The following LPAR3 variants were observed in gnomAD, a reference collection of about 807,000 sequenced individuals.
LPAR3 encodes lysophosphatidic acid receptor 3.
A neutral mutation model predicts 17.8 loss-of-function variants in LPAR3; 7 were observed. The observed-to-expected ratio is 0.39, with a 90% CI of 0.22 to 0.74. LPAR3 has a LOEUF of 0.74. Among genes scored for constraint, LPAR3 ranks in the 30% least tolerant of loss-of-function variants. The pLI is 0.40. For synonymous variants in LPAR3, 179 were observed against 179.9 expected, an observed-to-expected ratio of 0.99 and a Z score of 0.04; for missense variants, 391 against 453.4, an observed-to-expected ratio of 0.86 and a Z score of 1.25.
At chr1:84,831,375 G>A (rs896414751) in intron 2 of LPAR3, among the ~76,000 whole-genome samples, 2 of 152,158 alleles carry the variant, frequency 1.3e-5, no homozygotes, top group African/African-American at 2.4e-5. Flanking sequence ...AGGATGGCTT[G>A]AGCCCAGGAG....
chr1:84,828,466 C>A (rs929704963), intron 2 of LPAR3, among the ~76,000 whole-genome samples: 1 of 152,152 alleles, frequency 6.6e-6, no homozygotes, highest in African/African-American at 2.4e-5. Flanking sequence ...TAATATAACA[C>A]TGTCTTTGTT....
At chr1:84,830,328 A>G (rs1339856925) in intron 2 of LPAR3, among the ~76,000 whole-genome samples, 2 of 152,190 alleles carry the variant, frequency 1.3e-5, no homozygotes, top group African/African-American at 2.4e-5. Context: ...CTACCCAGAG[A>G]CAGGGCAAGC....
chr1:84,821,233 G>A (rs1659047560), intron 2 of LPAR3, among the ~76,000 whole-genome samples: 1 of 151,874 alleles, frequency 6.6e-6, no homozygotes, highest in African/African-American at 2.4e-5. Flanking sequence ...TAAAGAAAGA[G>A]ACGGAGGAGA....
In LPAR3 at chr1:84,827,317, C is replaced by T. The variant is rs1313293080; in HGVS notation, c.737-13146G>A. Reference sequence around the variant, plus strand: ...TCCAAGAGCACAACTCTGGCTGGTCCCCATTGGAAAACAGGGGCTGGGGGA... The same window carrying T: ...TCCAAGAGCACAACTCTGGCTGGTCTCCATTGGAAAACAGGGGCTGGGGGA... On this transcript the variant is annotated intron_variant, in intron 2 of 2. Coordinates refer to ENST00000370611, the MANE Select transcript of LPAR3 (RefSeq NM_012152.3). 2.0e-5 allele frequency among the ~76,000 whole-genome samples: 3 copies of T among 152,100 alleles called. No individual in the cohort carries two copies. The East Asian group carries it at 5.8e-4, about 29-fold the overall frequency.
chr1:84,875,713 C>A (rs1402637831), intron 1 of LPAR3, among the ~76,000 whole-genome samples: 1 of 152,210 alleles, frequency 6.6e-6, no homozygotes, highest in Non-Finnish European at 1.5e-5. Context: ...AAAGGAAATT[C>A]TATTTCTTTA....
intron 1 of LPAR3, among the ~76,000 whole-genome samples, chr1:84,875,706 G>A (rs563078087): frequency 6.6e-6 from 1 of 152,274 alleles, no homozygotes; most frequent in South Asian, 2.1e-4. Flanking sequence ...CCCATGAAAA[G>A]GAAATTCTAT....
chr1:84,848,560 T>C (rs1659636341), intron 2 of LPAR3, among the ~76,000 whole-genome samples: 1 of 152,306 alleles, frequency 6.6e-6, no homozygotes, highest in East Asian at 1.9e-4. Context: ...AATATTTCCT[T>C]TCCAAGTTGG....
chr1:84,890,241 C>G (rs1462157707), intron 1 of LPAR3, among the ~76,000 whole-genome samples: 1 of 92,704 alleles, frequency 1.1e-5, no homozygotes. Flanking sequence ...AACAAAAGGC[C>G]CATGGCCAGG....
Position 84,812,516 on chromosome 1 carries a change from TC to T in LPAR3, c.*1329del, listed in dbSNP as rs1658835261. 4 of 132,200 alleles carry T rather than the reference TC, an allele frequency of 3.0e-5. No individual in the cohort carries two copies. In the South Asian group the frequency reaches 1.1e-3, roughly 35 times the overall value. The allele number at this position is 132,200 out of a possible 1,614,324, so 8.2% of individuals were successfully genotyped here. A position where few individuals can be genotyped will look rare whatever the true frequency, so the allele number is the denominator to read the frequency against. ...TGCGATCTTGGCTCACTCTGCAACC[TC>T]CACCTCCCGGGTTCAAGTGATTCTT... On this transcript the variant is annotated 3_prime_UTR_variant, in exon 3 of 3. Coordinates refer to ENST00000370611, the MANE Select transcript of LPAR3 (RefSeq NM_012152.3).
At chr1:84,859,704 C>G (rs751538275) in intron 2 of LPAR3, among the ~76,000 whole-genome samples, 38 of 152,188 alleles carry the variant, frequency 2.5e-4, no homozygotes, top group Non-Finnish European at 4.9e-4. Context: ...TCAAAACTTA[C>G]AGTTTGAAAA....
intron 1 of LPAR3, among the ~76,000 whole-genome samples, chr1:84,891,987 G>C (rs535092042): frequency 6.6e-6 from 1 of 152,080 alleles, no homozygotes; most frequent in African/African-American, 2.4e-5. Context: ...GCTGAGGAGG[G>C]TGGATCACGA....
Position 84,871,354 on chromosome 1 carries a change from C to T in LPAR3, c.-18-5216G>A, listed in dbSNP as rs985546473. Among the ~76,000 whole-genome samples the T allele has an allele frequency of 2.0e-5, 3 of 152,154 alleles. No homozygotes were observed. In the East Asian group the frequency reaches 5.8e-4, roughly 29 times the overall value. ...TTCCCTGAAAAAATGTCCAGCCAGCCCAGAATGTGGAAACAATTATGAGAA... is the reference window on the plus strand; with the variant it reads ...TTCCCTGAAAAAATGTCCAGCCAGCTCAGAATGTGGAAACAATTATGAGAA... On this transcript the variant is annotated intron_variant, in intron 1 of 2. Coordinates refer to ENST00000370611, the MANE Select transcript of LPAR3 (RefSeq NM_012152.3).
rs571116834 is a variant in LPAR3, at chr1:84,865,450, G to A, written c.671C>T (p.Thr224Ile). 9.9e-6 allele frequency: 16 copies of A among 1,614,128 alleles called. No individual in the cohort carries two copies. In the East Asian group the frequency reaches 3.1e-4, roughly 31 times the overall value. The change falls in exon 2 of 3, where the codon ACA (threonine) becomes ATA (isoleucine). Residue 224 changes from threonine to isoleucine, a missense_variant. By Grantham distance (89) the Thr-to-Ile change is moderately conservative. Coordinates refer to ENST00000370611, the MANE Select transcript of LPAR3 (RefSeq NM_012152.3). ...CCTCCGGCGGCTGATGGACCCACTT[G>A]TATGCGGAGACAAGACGTTGGTTTT... Reference protein sequence around the residue: ...KRKTNVLSPHTSGSISRRRTP... With the variant: ...KRKTNVLSPHISGSISRRRTP...
chr1:84,861,956 T>C (rs1303134543), intron 2 of LPAR3, among the ~76,000 whole-genome samples: 3 of 152,226 alleles, frequency 2.0e-5, no homozygotes, highest in African/African-American at 2.4e-5. Context: ...CAAAATTACA[T>C]ACAAAACTGA....
At chr1:84,871,091 C>A (rs912195971) in intron 1 of LPAR3, among the ~76,000 whole-genome samples, 3 of 152,064 alleles carry the variant, frequency 2.0e-5, no homozygotes, top group Admixed American at 2.0e-4. Context: ...TAACATTGCT[C>A]AACTTTACTT....
chr1:84,838,167 C>A (rs1038233807), intron 2 of LPAR3, among the ~76,000 whole-genome samples: 3 of 152,138 alleles, frequency 2.0e-5, no homozygotes, highest in Non-Finnish European at 2.9e-5. Flanking sequence ...AGCAGGGGAT[C>A]CTTGCGGCAA....
At chr1:84,853,855 GC>G (rs1173275655) in intron 2 of LPAR3, among the ~76,000 whole-genome samples, 2 of 152,200 alleles carry the variant, frequency 1.3e-5, no homozygotes, top group African/African-American at 4.8e-5. Context: ...GCCAGATGAG[GC>G]AGTTCAGCTG....
chr1:84,837,912 T>A (rs1466933770), intron 2 of LPAR3, among the ~76,000 whole-genome samples: 1 of 152,184 alleles, frequency 6.6e-6, no homozygotes, highest in African/African-American at 2.4e-5. Flanking sequence ...AGAAATGGTA[T>A]CCTTAGATTA....
intron 2 of LPAR3, among the ~76,000 whole-genome samples, chr1:84,844,894 T>C (rs1217732364): frequency 6.6e-6 from 1 of 152,216 alleles, no homozygotes; most frequent in Non-Finnish European, 1.5e-5. Context: ...CTAAAATCTC[T>C]AAAGAGAGAA....
Sources: gnomAD v4.1 joint callset for allele counts (sites outside exome capture counted in the v4.1 genomes callset) on GRCh38, gnomAD v4.1.1 for gene constraint, MANE v1.5 for transcripts, NCBI Gene and HGNC (gene_info 2026-07-23, HGNC 2026-07-21) for gene names.